CNTNAP5: variants seen among roughly 807,000 people sequenced by gnomAD.
CNTNAP5 encodes the protein contactin associated protein family member 5.
Under a neutral mutation model 150.2 loss-of-function variants are expected in CNTNAP5, and 72 were observed. That is an observed-to-expected ratio of 0.48 (90% CI 0.40 to 0.58). The LOEUF (loss-of-function observed/expected upper bound fraction) is 0.58, where lower values mean the gene tolerates loss of function less well. Among genes scored for constraint, CNTNAP5 ranks in the 20% least tolerant of loss-of-function variants. The probability of loss-of-function intolerance (pLI) is 0.00; values close to 1 mark genes in which losing one functional copy is unlikely to be tolerated. For synonymous variants in CNTNAP5, 672 were observed against 619.8 expected (o/e 1.08, Z -1.25); for missense variants, 1,636 against 1,626.2 (o/e 1.01, Z -0.10).
At chr2:124,759,653 A>G (rs1363796139) in intron 14 of CNTNAP5, among the ~76,000 whole-genome samples, 5 of 151,858 alleles carry the variant, frequency 3.3e-5, no homozygotes, top group South Asian at 4.1e-4. Flanking sequence ...GAAAAGTCCT[A>G]TGGTTTCAGA....
In CNTNAP5 at chr2:124,515,123, A is replaced by G. The variant is rs111935677; in HGVS notation, c.1328-9180A>G. On this transcript the variant is annotated intron_variant, in intron 8 of 23. Coordinates refer to ENST00000682447, the MANE Select transcript of CNTNAP5 (RefSeq NM_001367498.1). Reference sequence around the variant, plus strand: ...TCCAGGTTACCTTGAAATATGAGCCAGGCATTAAACGACTAGGAAAGGTTT... The same window carrying G: ...TCCAGGTTACCTTGAAATATGAGCCGGGCATTAAACGACTAGGAAAGGTTT... Among the ~76,000 whole-genome samples, 782 of 152,350 alleles carry G rather than the reference A, an allele frequency of 5.1e-3. 10 individuals are homozygous for G. Among genetic ancestry groups the G allele is most frequent in the African/African-American group, 0.018 (749 of 41,586 alleles).
chr2:124,558,883 A>C (rs937113265), intron 10 of CNTNAP5, among the ~76,000 whole-genome samples: 1 of 152,038 alleles, frequency 6.6e-6, no homozygotes, highest in Non-Finnish European at 1.5e-5. Flanking sequence ...ATGAAATTGG[A>C]CTCCAGTTTA....
At chr2:124,884,696 A>G (rs751275870) in intron 21 of CNTNAP5, among the ~76,000 whole-genome samples, 2 of 152,008 alleles carry the variant, frequency 1.3e-5, no homozygotes, top group Non-Finnish European at 2.9e-5. Flanking sequence ...GTCGTAGTGC[A>G]GACAAGAGCT....
chr2:124,119,631 G>A (rs1407762670), intron 1 of CNTNAP5, among the ~76,000 whole-genome samples: 3 of 152,094 alleles, frequency 2.0e-5, no homozygotes, highest in Non-Finnish European at 2.9e-5. Context: ...ATAGGGGCCG[G>A]GCATAGTGGC....
At chr2:124,311,167 C>A (rs1425271359) in intron 3 of CNTNAP5, among the ~76,000 whole-genome samples, 5 of 152,078 alleles carry the variant, frequency 3.3e-5, no homozygotes, top group African/African-American at 1.2e-4. Context: ...TAGACTATTT[C>A]TAATAACCTA....
At chr2:124,783,410 A>C (rs1280891530) in intron 17 of CNTNAP5, among the ~76,000 whole-genome samples, 3 of 152,132 alleles carry the variant, frequency 2.0e-5, no homozygotes, top group African/African-American at 7.2e-5. Context: ...CCAGTCTGTA[A>C]CAACTATTTC....
At chr2:124,386,584 C>T (rs144803374) in intron 3 of CNTNAP5, among the ~76,000 whole-genome samples, 1 of 152,328 alleles carries the variant, frequency 6.6e-6, no homozygotes, top group African/African-American at 2.4e-5. Context: ...TACAGCTGTA[C>T]AAAAGAAGTT....
At chr2:124,701,347 G>T (rs1679517018) in intron 13 of CNTNAP5, among the ~76,000 whole-genome samples, 1 of 152,004 alleles carries the variant, frequency 6.6e-6, no homozygotes, top group Non-Finnish European at 1.5e-5. Context: ...TGTGACAAAT[G>T]GCAAGATCTC....
chr2:124,056,741 A>G (rs1573722396), intron 1 of CNTNAP5, among the ~76,000 whole-genome samples: 2 of 152,202 alleles, frequency 1.3e-5, no homozygotes, highest in East Asian at 3.9e-4. Flanking sequence ...ACATACATGG[A>G]GCAGAATGTG....
intron 7 of CNTNAP5, among the ~76,000 whole-genome samples, chr2:124,476,794 A>G (rs1398435355): frequency 6.6e-6 from 1 of 152,030 alleles, no homozygotes; most frequent in Non-Finnish European, 1.5e-5. Context: ...CATTTGGCTT[A>G]GGGAGAGAAG....
intron 13 of CNTNAP5, among the ~76,000 whole-genome samples, chr2:124,705,326 G>A (rs1028457916): frequency 1.3e-5 from 2 of 152,006 alleles, no homozygotes; most frequent in South Asian, 4.1e-4. Context: ...TCAGGAGTTC[G>A]AGACCAGCCT....
chr2:124,298,296 G>T (rs754137158), intron 3 of CNTNAP5, among the ~76,000 whole-genome samples: 1 of 152,062 alleles, frequency 6.6e-6, no homozygotes, highest in South Asian at 2.1e-4. Flanking sequence ...CCGAACTGAG[G>T]GTCGGGCTGC....
intron 3 of CNTNAP5, among the ~76,000 whole-genome samples, chr2:124,277,819 T>C (rs1318261292): frequency 3.9e-5 from 6 of 152,148 alleles, no homozygotes; most frequent in Admixed American, 2.0e-4. Flanking sequence ...GTGCAGGAGC[T>C]ATGATTTTAA....
rs754827359 is a variant in CNTNAP5, at chr2:124,524,462, C to G, written c.1477+10C>G. ...AGCTACTATTTTGGAGGTAAATTCTCCAGTCTTTAAGAGGGAAAATTAAGA... is the reference window on the plus strand; with the variant it reads ...AGCTACTATTTTGGAGGTAAATTCTGCAGTCTTTAAGAGGGAAAATTAAGA... On this transcript the variant is annotated intron_variant, in intron 9 of 23. Coordinates refer to ENST00000682447, the MANE Select transcript of CNTNAP5 (RefSeq NM_001367498.1). The G allele has an allele frequency of 5.5e-5, 88 of 1,603,150 alleles. No individual in the cohort carries two copies. Among genetic ancestry groups the G allele is most frequent in the Non-Finnish European group, 7.3e-5 (86 of 1,174,058 alleles).
At chr2:124,229,075 A>T (rs10496633) in intron 2 of CNTNAP5, among the ~76,000 whole-genome samples, 11,296 of 152,192 alleles carry the variant, frequency 0.074, 588 homozygotes, top group Non-Finnish European at 0.11. Context: ...TGTGCTCAGA[A>T]CTCAGGTAGA....
chr2:124,498,416 C>T (rs1694201342), intron 7 of CNTNAP5, among the ~76,000 whole-genome samples: 1 of 152,170 alleles, frequency 6.6e-6, no homozygotes, highest in Non-Finnish European at 1.5e-5. Context: ...AAAGCATAAT[C>T]AGTCAATTGG....
chr2:124,111,685 G>A (rs1683302811), intron 1 of CNTNAP5, among the ~76,000 whole-genome samples: 2 of 152,148 alleles, frequency 1.3e-5, no homozygotes, highest in Admixed American at 1.3e-4. Flanking sequence ...GAAGGCCCAA[G>A]GCAAATGATT....
rs1029694046 is a variant in CNTNAP5 at position 124,434,813 on chromosome 2, G to A, written c.733+126G>A. The A allele has an allele frequency of 1.4e-5, 11 of 787,534 alleles. No individual in the cohort carries two copies. In the African/African-American group the frequency reaches 1.7e-4, roughly 12 times the overall value. 48.8% of individuals were successfully genotyped at this position (787,534 alleles called of 1,614,324 possible). A position where few individuals can be genotyped will look rare whatever the true frequency, so the allele number is the denominator to read the frequency against. ...GGAGCACAATATAAGTGATATTGGT[G>A]GGGATAGAAATGTTTAAGGCATGTA... On this transcript the variant is annotated intron_variant, in intron 5 of 23. Transcript: ENST00000682447.
intron 4 of CNTNAP5, among the ~76,000 whole-genome samples, chr2:124,421,208 A>C (rs1692096129): frequency 6.6e-6 from 1 of 152,122 alleles, no homozygotes; most frequent in Non-Finnish European, 1.5e-5. Context: ...TCTGTATCTC[A>C]TGGCCTGACC....
Sources: allele counts gnomAD v4.1 joint callset (sites outside exome capture counted in the v4.1 genomes callset), GRCh38; gene constraint gnomAD v4.1.1; transcripts MANE v1.5; gene names NCBI Gene and HGNC (gene_info 2026-07-23, HGNC 2026-07-21).